The following PAK3 variants were observed in gnomAD, a reference collection of about 807,000 sequenced individuals.
PAK3 encodes the protein serine/threonine-protein kinase PAK 3.
PAK3 carries 4 observed loss-of-function variants against 41.0 expected under a neutral mutation model. The ratio of observed to expected loss-of-function variants is 0.10; its 90% CI spans 0.05 to 0.22. The LOEUF is 0.22. Among genes scored for constraint, PAK3 ranks in the 10% least tolerant of loss-of-function variants. The pLI, the probability that PAK3 is intolerant of heterozygous loss-of-function variation, is 1.00. For missense variants in PAK3, 205 were observed against 409.9 expected (o/e 0.50, Z 4.32); for synonymous variants, 146 against 139.6 (o/e 1.05, Z -0.32).
chrX:110,963,352 C>T (rs762040591), intron 1 of PAK3, among the ~76,000 whole-genome samples: 1 of 112,115 alleles, frequency 8.9e-6, no homozygotes, highest in Non-Finnish European at 1.9e-5. Context: ...GTTCTCAGGG[C>T]AGCTTAGTTG....
At chrX:111,088,741 G>T (rs2092908471) in intron 1 of PAK3, among the ~76,000 whole-genome samples, 2 of 112,264 alleles carry the variant, frequency 1.8e-5, no homozygotes, top group East Asian at 5.6e-4. Flanking sequence ...AAGTAGCAAA[G>T]CAGGTTTAAG....
chrX:111,204,940 C>T (rs1415926881), intron 16 of PAK3, among the ~76,000 whole-genome samples: 27 of 52,677 alleles, frequency 5.1e-4, no homozygotes, highest in African/African-American at 2.7e-3. Context: ...TTCATCAGCA[C>T]ATTTTTTTTT....
intron 11 of PAK3, among the ~76,000 whole-genome samples, chrX:111,181,067 T>TAG (rs1175102608): frequency 9.0e-6 from 1 of 111,648 alleles, no homozygotes; most frequent in Admixed American, 9.6e-5. Flanking sequence ...TATTCACTTA[T>TAG]TTGGGATTAT....
intron 10 of PAK3, 104 bp downstream of exon 10, chrX:111,163,831 T>C: frequency 3.1e-6 from 2 of 644,525 alleles, no homozygotes; most frequent in South Asian, 4.7e-5. Context: ...TTATATGAAC[T>C]CCAGACTTCC....
At chrX:111,040,069 G>T (rs1261084430) in intron 1 of PAK3, among the ~76,000 whole-genome samples, 1 of 109,296 alleles carries the variant, frequency 9.1e-6, no homozygotes, top group Non-Finnish European at 1.9e-5. Flanking sequence ...CATCAGAGAA[G>T]TAGAAGGTGG....
chrX:111,162,719 T>A (rs1353681545), intron 8 of PAK3, among the ~76,000 whole-genome samples, 196 bp from the exon 9 acceptor site: 1 of 111,822 alleles, frequency 8.9e-6, no homozygotes, highest in African/African-American at 3.2e-5. Context: ...CATGAATTTA[T>A]CTCTGAATAA....
intron 4 of PAK3, among the ~76,000 whole-genome samples, chrX:111,120,565 A>T (rs1008338899): frequency 1.8e-5 from 2 of 111,833 alleles, no homozygotes; most frequent in Non-Finnish European, 3.8e-5. Context: ...ATCACGCAAG[A>T]TCAGCTTTGT....
At chrX:111,035,263 CAA>C (rs1347397007) in intron 1 of PAK3, among the ~76,000 whole-genome samples, 4 of 111,368 alleles carry the variant, frequency 3.6e-5, no homozygotes, top group African/African-American at 1.3e-4. Flanking sequence ...TCCTGAAACA[CAA>C]ACAGTGCTGT....
intron 1 of PAK3, among the ~76,000 whole-genome samples, chrX:110,958,321 G>C (rs140279431): frequency 6.7e-4 from 75 of 111,463 alleles, no homozygotes; most frequent in Middle Eastern, 4.6e-3. Flanking sequence ...GTGAAGTAAG[G>C]GTAGAATCAG....
In PAK3 at chrX:111,108,686, C is replaced by T. The variant is rs373915412; in HGVS notation, c.-28+5380C>T. Among the ~76,000 whole-genome samples the T allele has an allele frequency of 2.4e-4, 27 of 112,358 alleles. No individual in the cohort carries two copies. In the East Asian group the frequency reaches 2.8e-3, roughly 12 times the overall value. On this transcript the variant is annotated intron_variant, in intron 4 of 17. Transcript: ENST00000372007. ...ATGTCCATGGAAAAATTGTCTTCCA[C>T]AAAACTGGTACCTGATGCCAAAAAA...
At chrX:111,116,659 C>G (rs180961599) in intron 4 of PAK3, among the ~76,000 whole-genome samples, 176 of 112,121 alleles carry the variant, frequency 1.6e-3, no homozygotes, top group African/African-American at 5.6e-3. Flanking sequence ...TTCTTGGACT[C>G]AATTAATGTC....
intron 5 of PAK3, among the ~76,000 whole-genome samples, chrX:111,141,214 A>G (rs975097738): frequency 8.9e-6 from 1 of 111,921 alleles, no homozygotes; most frequent in South Asian, 3.7e-4. Context: ...CTATTTCCAG[A>G]TAGACTATAG....
chrX:111,092,179 G>A (rs2092934326), upstream of PAK3, among the ~76,000 whole-genome samples: 1 of 111,857 alleles, frequency 8.9e-6, no homozygotes, highest in Non-Finnish European at 1.9e-5. Flanking sequence ...GCTTGCTTTT[G>A]TCTTAACCAA....
chrX:111,210,680 G>T (rs748026972), intron 16 of PAK3, among the ~76,000 whole-genome samples: 3 of 112,090 alleles, frequency 2.7e-5, no homozygotes, highest in Non-Finnish European at 3.8e-5. Context: ...TGAGCAAGTT[G>T]TCACAAAATC....
At chrX:111,110,275 G>C (rs2148936792) in intron 4 of PAK3, among the ~76,000 whole-genome samples, 1 of 112,037 alleles carries the variant, frequency 8.9e-6, no homozygotes, top group South Asian at 3.8e-4. Context: ...ACCCTTTCTA[G>C]ATGAAGAAAT....
intron 1 of PAK3, among the ~76,000 whole-genome samples, chrX:111,016,794 A>AGAGAG (rs755204620): frequency 2.3e-3 from 247 of 108,191 alleles, no homozygotes; most frequent in Non-Finnish European, 4.1e-3. Context: ...AGAGAGGAGA[A>AGAGAG]GAGAGGAGAG....
chrX:110,997,718 G>C (rs989029600), intron 1 of PAK3, among the ~76,000 whole-genome samples: 30 of 111,526 alleles, frequency 2.7e-4, no homozygotes, highest in African/African-American at 9.8e-4. Flanking sequence ...CTGAAAATTT[G>C]TGTTCTCCCC....
chrX:111,116,118 C>T (rs1039654534), intron 4 of PAK3, among the ~76,000 whole-genome samples: 7 of 110,739 alleles, frequency 6.3e-5, no homozygotes, highest in Admixed American at 1.9e-4. Context: ...CATTGGTTTG[C>T]CATGTCCTGC....
intron 5 of PAK3, among the ~76,000 whole-genome samples, chrX:111,127,623 A>C (rs2093665848): frequency 9.0e-6 from 1 of 110,991 alleles, no homozygotes; most frequent in Non-Finnish European, 1.9e-5. Context: ...CATCCTAACC[A>C]TATGGGTTGA....
Sources: gnomAD v4.1 joint callset for allele counts (sites outside exome capture counted in the v4.1 genomes callset) on GRCh38, gnomAD v4.1.1 for gene constraint, MANE v1.5 for transcripts, NCBI Gene and HGNC (gene_info 2026-07-23, HGNC 2026-07-21) for gene names.